TAF3: variants seen among roughly 807,000 people sequenced by gnomAD.
TAF3 encodes the protein TATA-box binding protein associated factor 3.
In TAF3, 7 loss-of-function variants were observed where a neutral mutation model predicts 80.6. That is an observed-to-expected ratio of 0.09 (90% CI 0.05 to 0.16). The LOEUF (loss-of-function observed/expected upper bound fraction) is 0.16. Ranked by LOEUF, TAF3 falls within the 10% of genes least tolerant of loss-of-function variation. TAF3 has a pLI of 1.00. For missense variants in TAF3, 921 were observed against 1,140.2 expected, an observed-to-expected ratio of 0.81 and a Z score of 2.77; for synonymous variants, 444 against 446.1, an observed-to-expected ratio of 1.00 and a Z score of 0.06.
At chr10:7,952,245 C>T (rs1838089301) in intron 2 of TAF3, among the ~76,000 whole-genome samples, 1 of 151,990 alleles carries the variant, frequency 6.6e-6, no homozygotes, top group Admixed American at 6.5e-5. Context: ...CTGAAGAGAT[C>T]TACTTGTATT....
rs761829251 is a variant in TAF3 at position 7,965,781 on chromosome 10, T to C, written c.2232+39T>C. The C allele has an allele frequency of 2.1e-6, 3 of 1,457,198 alleles. No individual in the cohort carries two copies. In the African/African-American group the frequency reaches 4.3e-5, roughly 21 times the overall value. 90.3% of individuals were successfully genotyped at this position (1,457,198 alleles called of 1,614,324 possible). A position where few individuals can be genotyped will look rare whatever the true frequency, so the allele number is the denominator to read the frequency against. ...CATTTTTGGCCCTATCTGAACAGAG[T>C]CCTAGTGAGAAACACAGGTAAACAA... On this transcript the variant is annotated intron_variant, in intron 3 of 6. Coordinates refer to ENST00000344293, the MANE Select transcript of TAF3 (RefSeq NM_031923.4).
At chr10:7,987,138 G>A (rs1428877688) in intron 4 of TAF3, among the ~76,000 whole-genome samples, 1 of 152,030 alleles carries the variant, frequency 6.6e-6, no homozygotes, top group African/African-American at 2.4e-5. Flanking sequence ...CCTGGGCAAC[G>A]TGACAAGATC....
chr10:7,916,109 C>G (rs1837709513), intron 2 of TAF3, among the ~76,000 whole-genome samples: 1 of 152,138 alleles, frequency 6.6e-6, no homozygotes, highest in African/African-American at 2.4e-5. Context: ...CACCTCTTAA[C>G]CCAAAGTGTT....
chr10:7,819,103 G>A (rs1399683140), intron 1 of TAF3, among the ~76,000 whole-genome samples: 1 of 151,998 alleles, frequency 6.6e-6, no homozygotes, highest in African/African-American at 2.4e-5. Flanking sequence ...CCCGGGAGTC[G>A]GGTCTTCGCT....
chr10:7,925,119 G>A (rs772691733), intron 2 of TAF3, among the ~76,000 whole-genome samples: 4 of 152,142 alleles, frequency 2.6e-5, no homozygotes, highest in Non-Finnish European at 4.4e-5. Flanking sequence ...GCAACTTAAC[G>A]AGTTTTCTGT....
At chr10:7,831,808 G>C (rs1033747516) in intron 2 of TAF3, among the ~76,000 whole-genome samples, 2 of 152,054 alleles carry the variant, frequency 1.3e-5, no homozygotes, top group African/African-American at 4.8e-5. Context: ...AGCATGTATA[G>C]TCATGTTCTA....
At chr10:7,986,321 C>A (rs773637098) in intron 4 of TAF3, among the ~76,000 whole-genome samples, 3 of 152,168 alleles carry the variant, frequency 2.0e-5, no homozygotes, top group Non-Finnish European at 4.4e-5. Context: ...CCTGGGTGAA[C>A]CAGCAGCACC....
intron 4 of TAF3, among the ~76,000 whole-genome samples, chr10:7,984,238 C>T (rs559899578): frequency 7.9e-5 from 12 of 151,966 alleles, no homozygotes; most frequent in Middle Eastern, 3.4e-3. Context: ...GTTTTTACCC[C>T]GGCACAATAC....
chr10:7,856,337 G>A (rs1837079549), intron 2 of TAF3, among the ~76,000 whole-genome samples: 2 of 151,998 alleles, frequency 1.3e-5, no homozygotes, highest in African/African-American at 4.8e-5. Flanking sequence ...TTAGCCAGGA[G>A]TGGTGGTGCG....
chr10:7,991,451 T>C (rs1831832902), intron 4 of TAF3, among the ~76,000 whole-genome samples: 1 of 152,192 alleles, frequency 6.6e-6, no homozygotes, highest in African/African-American at 2.4e-5. Flanking sequence ...TATTGCACCA[T>C]TGTTTTTTTT....
At chr10:7,938,442 A>G (rs1425043747) in intron 2 of TAF3, among the ~76,000 whole-genome samples, 1 of 152,090 alleles carries the variant, frequency 6.6e-6, no homozygotes, top group African/African-American at 2.4e-5. Flanking sequence ...ATTACAGGAG[A>G]TTTTTTGAAG....
At chr10:7,829,646 T>C (rs1047944040) in intron 2 of TAF3, among the ~76,000 whole-genome samples, 1 of 152,184 alleles carries the variant, frequency 6.6e-6, no homozygotes, top group Non-Finnish European at 1.5e-5. Flanking sequence ...ATATCAAAGG[T>C]CTATCCTGTC....
At chr10:8,006,189 C>T (rs1588348176) in intron 4 of TAF3, among the ~76,000 whole-genome samples, 2 of 105,032 alleles carry the variant, frequency 1.9e-5, no homozygotes, top group African/African-American at 8.4e-5. Flanking sequence ...TACACACACA[C>T]ACACACACAC....
chr10:7,850,565 G>T (rs2131124886), intron 2 of TAF3, among the ~76,000 whole-genome samples: 1 of 151,920 alleles, frequency 6.6e-6, no homozygotes, highest in African/African-American at 2.4e-5. Flanking sequence ...AATCCCAGCT[G>T]CTTGGAAGGC....
intron 1 of TAF3, among the ~76,000 whole-genome samples, chr10:7,822,960 T>C (rs1836704217): frequency 1.3e-5 from 2 of 152,162 alleles, no homozygotes; most frequent in Non-Finnish European, 2.9e-5. Flanking sequence ...ATAAATTATC[T>C]TTATGGCTAG....
intron 2 of TAF3, among the ~76,000 whole-genome samples, chr10:7,840,714 C>T (rs1836904086): frequency 6.6e-6 from 1 of 152,122 alleles, no homozygotes; most frequent in South Asian, 2.1e-4. Flanking sequence ...AGTACTTTTG[C>T]TGTAAGTTAG....
intron 4 of TAF3, among the ~76,000 whole-genome samples, chr10:7,981,349 C>T (rs1394239946): frequency 6.6e-6 from 1 of 152,168 alleles, no homozygotes; most frequent in African/African-American, 2.4e-5. Flanking sequence ...CTCCTGCTTT[C>T]AGAGCACTCC....
At chr10:7,862,469 G>A (rs944770944) in intron 2 of TAF3, among the ~76,000 whole-genome samples, 10 of 152,148 alleles carry the variant, frequency 6.6e-5, no homozygotes, top group African/African-American at 2.2e-4. Context: ...ATTTGTGTGT[G>A]TATATGTGTC....
intron 2 of TAF3, among the ~76,000 whole-genome samples, chr10:7,904,517 G>A (rs559159486): frequency 7.9e-5 from 12 of 152,258 alleles, no homozygotes; most frequent in African/African-American, 2.6e-4. Context: ...ATATTTGTTG[G>A]ATAATTAAAT....
Sources: allele counts gnomAD v4.1 joint callset (sites outside exome capture counted in the v4.1 genomes callset), GRCh38; gene constraint gnomAD v4.1.1; transcripts MANE v1.5; gene names NCBI Gene and HGNC (gene_info 2026-07-23, HGNC 2026-07-21).